COG5: variants seen among roughly 807,000 people sequenced by gnomAD.
COG5 encodes conserved oligomeric Golgi complex subunit 5.
In COG5, 86 loss-of-function variants were observed where a neutral mutation model predicts 110.4. That is an observed-to-expected ratio of 0.78 (90% CI 0.65 to 0.93). The LOEUF (loss-of-function observed/expected upper bound fraction) is 0.93. Ranked by LOEUF, COG5 falls within the 40% of genes least tolerant of loss-of-function variation. The pLI is 0.00. For missense variants in COG5, 1,077 were observed against 987.0 expected (o/e 1.09, Z -1.22); for synonymous variants, 360 against 334.6 (o/e 1.08, Z -0.83).
At chr7:107,383,651 C>T (rs559697542) in intron 7 of COG5, among the ~76,000 whole-genome samples, 7 of 152,250 alleles carry the variant, frequency 4.6e-5, no homozygotes, top group East Asian at 1.9e-4. Context: ...CTCTCCCTCA[C>T]GTACCCCAGG....
At chr7:107,419,409 T>C (rs1236248472) in intron 6 of COG5, among the ~76,000 whole-genome samples, 1 of 151,904 alleles carries the variant, frequency 6.6e-6, no homozygotes, top group Non-Finnish European at 1.5e-5. Context: ...TTCTTAACCT[T>C]TAAAGAATGA....
At chr7:107,480,945 T>A (rs555611212) in intron 6 of COG5, 4 of 152,268 alleles carry the variant, frequency 2.6e-5, no homozygotes, top group African/African-American at 2.4e-5. Context: ...GTGAAAATAA[T>A]CCTACGTGTC....
intron 12 of COG5, among the ~76,000 whole-genome samples, chr7:107,285,351 C>G (rs1165109910): frequency 6.6e-6 from 1 of 152,134 alleles, no homozygotes; most frequent in African/African-American, 2.4e-5. Context: ...CCTCAGAAGC[C>G]TCTTCCCACT....
chr7:107,343,808 T>A (rs1048623787), intron 10 of COG5, among the ~76,000 whole-genome samples: 2 of 152,118 alleles, frequency 1.3e-5, no homozygotes, highest in African/African-American at 4.8e-5. Flanking sequence ...TCCTTATACA[T>A]CTCAATCAGA....
chr7:107,233,132 G>T (rs557902510), intron 18 of COG5, among the ~76,000 whole-genome samples: 1 of 152,076 alleles, frequency 6.6e-6, no homozygotes, highest in Non-Finnish European at 1.5e-5. Context: ...GAAATTGCTA[G>T]AAGTACCACT....
chr7:107,413,970 G>T (rs764432922), intron 6 of COG5, among the ~76,000 whole-genome samples: 8 of 152,106 alleles, frequency 5.3e-5, no homozygotes, highest in Non-Finnish European at 7.4e-5. Flanking sequence ...TAAAATCCTG[G>T]TCTTTCTGAC....
chr7:107,361,410 C>A (rs1031666425), intron 10 of COG5, among the ~76,000 whole-genome samples: 1 of 152,024 alleles, frequency 6.6e-6, no homozygotes, highest in Non-Finnish European at 1.5e-5. Context: ...AAAGTTTTCA[C>A]CTTATTCTCT....
At chr7:107,344,307 C>T (rs1811416690) in intron 10 of COG5, among the ~76,000 whole-genome samples, 1 of 152,150 alleles carries the variant, frequency 6.6e-6, no homozygotes, top group Non-Finnish European at 1.5e-5. Context: ...TTTTATGTTA[C>T]AGGAGTAGCT....
intron 10 of COG5, among the ~76,000 whole-genome samples, chr7:107,325,844 T>G (rs1485649562): frequency 6.6e-6 from 1 of 152,190 alleles, no homozygotes; most frequent in Admixed American, 6.5e-5. Flanking sequence ...CTTTTTAAAA[T>G]AAGTCTTATG....
intron 19 of COG5, among the ~76,000 whole-genome samples, chr7:107,228,379 A>G (rs542583082): frequency 2.0e-5 from 3 of 151,912 alleles, no homozygotes; most frequent in South Asian, 2.1e-4. Context: ...ACCTTTTTCA[A>G]TAACTAGATG....
At chr7:107,399,794 C>T (rs116594758) in intron 7 of COG5, among the ~76,000 whole-genome samples, 1,783 of 152,288 alleles carry the variant, frequency 0.012, 20 homozygotes, top group African/African-American at 0.04. Context: ...CAAAAACCTT[C>T]ACTATTAAGC....
At chr7:107,240,443 T>C (rs1801523169) in intron 17 of COG5, among the ~76,000 whole-genome samples, 3 of 152,304 alleles carry the variant, frequency 2.0e-5, no homozygotes, top group Admixed American at 6.5e-5. Context: ...CTCAAACTCC[T>C]GACCTCAAGT....
intron 12 of COG5, 112 bp from the exon 13 acceptor site, chr7:107,283,844 C>G: frequency 1.4e-6 from 1 of 731,564 alleles, no homozygotes; most frequent in Non-Finnish European, 2.4e-6. Flanking sequence ...AAATGTAACT[C>G]TATATTAAGA....
intron 5 of COG5, among the ~76,000 whole-genome samples, chr7:107,539,505 CTGCAGATTAG>C (rs112892365): frequency 6.6e-6 from 1 of 152,176 alleles, no homozygotes; most frequent in Non-Finnish European, 1.5e-5. Context: ...AAAAGGAAGA[CTGCAGATTAG>C]TGCAGATTAG....
intron 19 of COG5, 55 bp from the exon 20 acceptor site, chr7:107,211,280 T>C: frequency 1.9e-6 from 3 of 1,582,064 alleles, no homozygotes; most frequent in Non-Finnish European, 2.6e-6. Context: ...AATAGGTGAT[T>C]TGGTGGGAGA....
chr7:107,548,126 T>C lies in COG5; in HGVS notation c.402A>G (p.Gln134=), dbSNP rs868719920. The change falls in exon 5 of 22, where the codon CAA becomes CAG. Residue 134 remains glutamine (Q), a synonymous_variant. Transcript: ENST00000297135. ...AAGAAACTACCTGAAGTCTTGCTAG[T>C]TGTGCAGTCCGGGCAACTATCTTAT... ...PYNKIVARTA[Q]LARLQVACDL... is the part of the protein sequence containing the mutation. 6.2e-7 allele frequency: 1 copy of C among 1,613,566 alleles called. No individual in the cohort carries two copies. The highest frequency in any genetic ancestry group is 2.2e-5 in the East Asian group (1 of 44,860).
At chr7:107,403,920 TTAC>T (rs1265747963) in intron 7 of COG5, among the ~76,000 whole-genome samples, 1 of 147,166 alleles carries the variant, frequency 6.8e-6, no homozygotes, top group East Asian at 1.9e-4. Flanking sequence ...ATTATTATTA[TTAC>T]TATTTTTATG....
At chr7:107,530,800 T>TC (rs1406803032) in intron 5 of COG5, among the ~76,000 whole-genome samples, 2 of 152,038 alleles carry the variant, frequency 1.3e-5, no homozygotes, top group African/African-American at 4.8e-5. Context: ...TATAGCTGCC[T>TC]CCCCTCCAAT....
At chr7:107,424,608 A>G (rs1029912332) in intron 6 of COG5, among the ~76,000 whole-genome samples, 1 of 151,872 alleles carries the variant, frequency 6.6e-6, no homozygotes, top group African/African-American at 2.4e-5. Context: ...CCTCTTCACT[A>G]TGCTTACAAA....
Sources: allele counts gnomAD v4.1 joint callset (sites outside exome capture counted in the v4.1 genomes callset), GRCh38; gene constraint gnomAD v4.1.1; transcripts MANE v1.5; gene names NCBI Gene and HGNC (gene_info 2026-07-23, HGNC 2026-07-21).